CLN6: variants seen among roughly 807,000 people sequenced by gnomAD.
CLN6 encodes the protein CLN6 transmembrane ER protein, also known as ceroid-lipofuscinosis neuronal protein 6.
In CLN6, 22 loss-of-function variants were observed where a neutral mutation model predicts 33.3. The observed-to-expected ratio is 0.66, with a 90% CI of 0.47 to 0.94. The LOEUF is 0.94. Ranked by LOEUF, CLN6 falls within the 40% of genes least tolerant of loss-of-function variation. CLN6 has a pLI of 0.00. For missense variants in CLN6, 387 were observed against 417.1 expected (o/e 0.93, Z 0.63); for synonymous variants, 201 against 174.6 (o/e 1.15, Z -1.19).
At chr15:68,254,921 A>G (rs1364909187) in intron 1 of CLN6, 8 of 1,099,692 alleles carry the variant, frequency 7.3e-6, no homozygotes, top group South Asian at 6.2e-5. Context: ...TGCATTTTTG[A>G]TAACTGTGTA....
rs1456428494 is a variant in CLN6 at position 68,247,483 on chromosome 15, T to A, written c.179+9207A>T. The stretch of plus-strand genomic sequence containing the variant: ...TAAATTTAACCGAAGAGGAGAAAGA[T>A]CTCTTCAAGGAAAACTACAAAGCAC... On this transcript the variant is annotated intron_variant, in intron 1 of 6. Coordinates refer to the CLN6 transcript ENST00000538696. The surrounding 1 kb of genome is among the most constrained non-coding windows in gnomAD (Gnocchi z 4.2). Among the ~76,000 whole-genome samples, 1 of 151,930 alleles carries A rather than the reference T, an allele frequency of 6.6e-6. No individual in the cohort carries two copies. Among genetic ancestry groups the A allele is most frequent in the Non-Finnish European group, 1.5e-5 (1 of 68,022 alleles).
In CLN6 at chr15:68,247,948, A is replaced by T. The variant is rs1892342856; in HGVS notation, c.179+8742T>A. Among the ~76,000 whole-genome samples, 1 of 151,980 alleles carries T rather than the reference A, an allele frequency of 6.6e-6. No homozygotes were observed. Among genetic ancestry groups the T allele is most frequent in the African/African-American group, 2.4e-5 (1 of 41,352 alleles). On this transcript the variant is annotated intron_variant, in intron 1 of 6. Coordinates refer to the CLN6 transcript ENST00000538696. The surrounding 1 kb of genome is among the most constrained non-coding windows in gnomAD (Gnocchi z 4.2). ...GAGGCTGAGGCAGGAGAATCACTTG[A>T]ACCTGGGAGGTGGAGGTTGCAGTGA...
intron 1 of CLN6, among the ~76,000 whole-genome samples, chr15:68,255,563 G>A (rs1458518696): frequency 6.6e-6 from 1 of 152,174 alleles, no homozygotes; most frequent in Non-Finnish European, 1.5e-5. Context: ...CTTCATTTGG[G>A]TTTTATAGTG....
chr15:68,214,469 G>T, intron 2 of CLN6, 81 bp from the exon 3 acceptor site: 1 of 926,522 alleles, frequency 1.1e-6, no homozygotes, highest in Non-Finnish European at 1.8e-6. Context: ...TGCCCCTAAT[G>T]CCGCCCACCC....
chr15:68,211,786 G>A lies in CLN6; in HGVS notation c.375C>T (p.Ser125=), dbSNP rs2093206218. 1 of 1,614,028 alleles carries A rather than the reference G, an allele frequency of 6.2e-7. No individual in the cohort carries two copies. The highest frequency in any genetic ancestry group is 1.7e-5 in the Admixed American group (1 of 60,018). Reference sequence around the variant, plus strand: ...TGACAGAGTCACCCACCAGGTGGATGCTGGCACCCATGATGAAGATGATGA... The same window carrying A: ...TGACAGAGTCACCCACCAGGTGGATACTGGCACCCATGATGAAGATGATGA... ...VSIIIFIMGA[S]IHLVGDSVNH... is the part of the protein sequence containing the mutation. Residue 125 remains serine, a synonymous_variant, in exon 4 of 7, where the codon AGC becomes AGT. Coordinates refer to ENST00000249806, the MANE Select transcript of CLN6 (RefSeq NM_017882.3). This position sits in a 1 kb window ranked among gnomAD's most constrained non-coding sequence, Gnocchi z 5.9.
chr15:68,207,979 GACACACAC>G lies in CLN6; in HGVS notation c.*153_*160del, dbSNP rs3837692. ...ATGCACTCTGCGCACACATATACAAGACACACACACACACACACACGAATCCACGCACA... is the reference window on the plus strand; with the variant it reads ...ATGCACTCTGCGCACACATATACAAGACACACACACACGAATCCACGCACA... On this transcript the variant is annotated 3_prime_UTR_variant, in exon 7 of 7. Coordinates refer to ENST00000249806, the MANE Select transcript of CLN6 (RefSeq NM_017882.3). 4.0e-5 allele frequency: 25 copies of G among 631,102 alleles called. No individual in the cohort carries two copies. The highest frequency in any genetic ancestry group is 1.8e-4 in the East Asian group (6 of 33,166). The allele number at this position is 631,102 out of a possible 1,614,324, so 39.1% of individuals were successfully genotyped here. A position where few individuals can be genotyped will look rare whatever the true frequency, so the allele number is the denominator to read the frequency against.
intron 1 of CLN6, among the ~76,000 whole-genome samples, chr15:68,243,008 C>T (rs143261028): frequency 6.6e-6 from 1 of 152,294 alleles, no homozygotes; most frequent in East Asian, 1.9e-4. Context: ...GTTGAGACGA[C>T]TGCAGAAACA....
chr15:68,254,881 G>T, intron 1 of CLN6: 2 of 1,148,080 alleles, frequency 1.7e-6, no homozygotes, highest in Non-Finnish European at 2.6e-6. Context: ...ACAGAAAGCT[G>T]AAGGTGCTGC....
rs987791648 is a variant in CLN6 at position 68,228,786 on chromosome 15, A to C, written c.83+716T>G. Among the ~76,000 whole-genome samples, 14 of 151,614 alleles carry C rather than the reference A, an allele frequency of 9.2e-5. No homozygotes were observed. The highest frequency in any genetic ancestry group is 1.2e-4 in the Non-Finnish European group (8 of 67,930). On this transcript the variant is annotated intron_variant, in intron 1 of 6. Transcript: ENST00000249806. The surrounding 1 kb of genome is among the most constrained non-coding windows in gnomAD (Gnocchi z 4.4). ...AGCCTCTCCCACCTTCACCCTGCCT[A>C]CCCCCTTACTGCCTGGCACAGCGCT...
chr15:68,239,341 A>T (rs1892261420), intron 1 of CLN6, among the ~76,000 whole-genome samples: 1 of 152,098 alleles, frequency 6.6e-6, no homozygotes, highest in Non-Finnish European at 1.5e-5. Flanking sequence ...TACCTAAAAT[A>T]AAAGGACACA....
intron 1 of CLN6, among the ~76,000 whole-genome samples, chr15:68,248,940 CAAAG>C (rs1318694444): frequency 6.6e-6 from 1 of 152,018 alleles, no homozygotes; most frequent in African/African-American, 2.4e-5. Context: ...ACAAGGAACT[CAAAG>C]AACTCAATAG....
At position 68,247,543 on chromosome 15, in the gene CLN6, G is replaced by T. The variant is rs1892339765; in HGVS notation, c.179+9147C>A. 6.6e-6 allele frequency among the ~76,000 whole-genome samples: 1 copy of T among 152,128 alleles called. No homozygotes were observed. Among genetic ancestry groups the T allele is most frequent in the Non-Finnish European group, 1.5e-5 (1 of 68,032 alleles). ...AAATTGAAGAGGACACAGCAAAATG[G>T]AAAGCTATTCCATGTTCATGGACTG... On this transcript the variant is annotated intron_variant, in intron 1 of 6. Transcript: ENST00000538696. This position sits in a 1 kb window ranked among gnomAD's most constrained non-coding sequence, Gnocchi z 4.2.
intron 1 of CLN6, chr15:68,254,777 G>A (rs1892416640): frequency 1.2e-6 from 1 of 866,694 alleles, no homozygotes; most frequent in Non-Finnish European, 2.0e-6. Flanking sequence ...TGCAAAGAAG[G>A]GAGAGAAGGT....
At position 68,211,098 on chromosome 15, in the gene CLN6, G is replaced by A. The variant is rs17317039; in HGVS notation, c.542+165C>T. On this transcript the variant is annotated intron_variant, in intron 5 of 6. Coordinates refer to ENST00000249806, the MANE Select transcript of CLN6 (RefSeq NM_017882.3). The surrounding 1 kb of genome is among the most constrained non-coding windows in gnomAD (Gnocchi z 5.9). ...AGCTGGGTCTCCCGGGCAACCTCGG[G>A]GACAACTTCACTGGAGGTTGAGCTC... is the stretch of plus-strand genomic sequence containing the variant. Among the ~76,000 whole-genome samples the A allele has an allele frequency of 0.012, 1,773 of 152,260 alleles. 20 individuals carry two copies. Among genetic ancestry groups the A allele is most frequent in the Admixed American group, 0.038 (577 of 15,304 alleles).
rs565054866 is a variant in CLN6 at position 68,247,855 on chromosome 15, C to A, written c.179+8835G>T. Among the ~76,000 whole-genome samples the A allele has an allele frequency of 2.4e-4, 36 of 152,050 alleles. No individual in the cohort carries two copies. Among genetic ancestry groups the A allele is most frequent in the Middle Eastern group, 3.4e-3 (1 of 292 alleles). ...ACCAGCCCAGCCAACATGGCAAAAC[C>A]CCATCTCTACTAAAAATACAAAATT... On this transcript the variant is annotated intron_variant, in intron 1 of 6. Coordinates refer to the CLN6 transcript ENST00000538696. The surrounding 1 kb of genome is among the most constrained non-coding windows in gnomAD (Gnocchi z 4.2).
Position 68,229,571 on chromosome 15 carries a change from C to A in CLN6, c.14G>T (p.Arg5Leu). 1 of 1,467,196 alleles carries A rather than the reference C, an allele frequency of 6.8e-7. No individual in the cohort carries two copies. Among genetic ancestry groups the A allele is most frequent in the Middle Eastern group, 2.3e-4 (1 of 4,406 alleles). The allele number at this position is 1,467,196 out of a possible 1,614,324, so 90.9% of individuals were successfully genotyped here. ...CGTCGCTCCCAGGTGCTGCCGCCTC[C>A]GCGTCGCCTCCATGGCTGCCCCGCA... MEAT[R>L]RRQHLGATGG... Residue 5 changes from arginine (R) to leucine (L), a missense_variant, in exon 1 of 7, where the codon CGG becomes CTG. Coordinates refer to ENST00000249806, the MANE Select transcript of CLN6 (RefSeq NM_017882.3).
Position 68,210,153 on chromosome 15 carries a change from C to G in CLN6, c.543-394G>C, listed in dbSNP as rs1261735117. 6.6e-6 allele frequency among the ~76,000 whole-genome samples: 1 copy of G among 152,138 alleles called. No individual in the cohort carries two copies. The highest frequency in any genetic ancestry group is 1.9e-4 in the East Asian group (1 of 5,176). Reference sequence around the variant, plus strand: ...GAGGTCCACATGTTAAAAAAGAGAACAGCACCTGCAGGGGCCTCTTGGTGA... The same window carrying G: ...GAGGTCCACATGTTAAAAAAGAGAAGAGCACCTGCAGGGGCCTCTTGGTGA... On this transcript the variant is annotated intron_variant, in intron 5 of 6. Coordinates refer to ENST00000249806, the MANE Select transcript of CLN6 (RefSeq NM_017882.3). The surrounding 1 kb of genome is among the most constrained non-coding windows in gnomAD (Gnocchi z 5.6).
Position 68,227,429 on chromosome 15 carries a change from C to T in CLN6, c.83+2073G>A, listed in dbSNP as rs912927741. On this transcript the variant is annotated intron_variant, in intron 1 of 6. Transcript: ENST00000249806. This position sits in a 1 kb window ranked among gnomAD's most constrained non-coding sequence, Gnocchi z 4.1. ...ACCTTAAGAGGTAGTGAGCAAAGCA[C>T]GGATGCAGCAGAGGAAATCCAAGCA... 2.0e-5 allele frequency among the ~76,000 whole-genome samples: 3 copies of T among 152,218 alleles called. No individual in the cohort carries two copies. Among genetic ancestry groups the T allele is most frequent in the Non-Finnish European group, 4.4e-5 (3 of 68,044 alleles).
chr15:68,218,354 C>G, intron 2 of CLN6, 182 bp downstream of exon 2: 2 of 560,398 alleles, frequency 3.6e-6, no homozygotes, highest in Non-Finnish European at 6.6e-6. Context: ...AGGCCCCCCA[C>G]TTGCTGGCAG....
Sources: allele counts gnomAD v4.1 joint callset (sites outside exome capture counted in the v4.1 genomes callset), GRCh38; gene constraint gnomAD v4.1.1; non-coding constraint Gnocchi (gnomAD v3.1); transcripts MANE v1.5; gene names NCBI Gene and HGNC (gene_info 2026-07-23, HGNC 2026-07-21).